Variants in PDE4D observed in about 807,000 individuals in gnomAD.
PDE4D encodes 3',5'-cyclic-AMP phosphodiesterase 4D.
A neutral mutation model predicts 87.4 loss-of-function variants in PDE4D; 24 were observed. The observed-to-expected ratio is 0.27, with a 90% confidence interval of 0.20 to 0.39. The LOEUF (loss-of-function observed/expected upper bound fraction) is 0.39, where lower values mean the gene tolerates loss of function less well. PDE4D is among the 10% of genes least tolerant of loss of function. The pLI, the probability that PDE4D is intolerant of heterozygous loss-of-function variation, is 1.00. For missense variants in PDE4D, 714 were observed against 1,041.0 expected, an observed-to-expected ratio of 0.69 and a Z score of 4.32; for synonymous variants, 384 against 383.2, an observed-to-expected ratio of 1.00 and a Z score of -0.02.
chr5:60,413,715 A>ATT lies in PDE4D; in HGVS notation c.-90+74225_-90+74226dup, dbSNP rs5868241. Among the ~76,000 whole-genome samples, 241 of 144,204 alleles carry ATT rather than the reference A, an allele frequency of 1.7e-3. 3 individuals are homozygous for ATT. The highest frequency in any genetic ancestry group is 7.1e-3 in the South Asian group (33 of 4,638). The allele number at this position is 144,204 out of a possible 152,430, so 94.6% of individuals were successfully genotyped here. Reference sequence around the variant, plus strand: ...TAATTTTGAATTTCTTTTTTCGTTTATTTTTTTTTTTTTTGGAAAAACAGC... The same window carrying ATT: ...TAATTTTGAATTTCTTTTTTCGTTTATTTTTTTTTTTTTTTTGGAAAAACAGC... On this transcript the variant is annotated intron_variant, in intron 1 of 16. Coordinates refer to the PDE4D transcript ENST00000502484.
chr5:59,405,539 T>C (rs1423357764), intron 1 of PDE4D, among the ~76,000 whole-genome samples: 1 of 152,218 alleles, frequency 6.6e-6, no homozygotes, highest in Admixed American at 6.5e-5. Context: ...ACTTGACTTC[T>C]TCCTTTCCAA....
At chr5:59,885,937 G>A (rs1750085358) in intron 1 of PDE4D, among the ~76,000 whole-genome samples, 1 of 152,072 alleles carries the variant, frequency 6.6e-6, no homozygotes, top group African/African-American at 2.4e-5. Flanking sequence ...ACATGAATAT[G>A]TGTCTATTTT....
chr5:59,707,451 C>A (rs1224068108), intron 1 of PDE4D, among the ~76,000 whole-genome samples: 1 of 152,084 alleles, frequency 6.6e-6, no homozygotes, highest in Non-Finnish European at 1.5e-5. Context: ...CAAACTATGG[C>A]CCTCAGGCCA....
chr5:59,092,513 ATAGAG>A (rs1157083289), intron 5 of PDE4D, among the ~76,000 whole-genome samples: 1 of 152,086 alleles, frequency 6.6e-6, no homozygotes, highest in African/African-American at 2.4e-5. Context: ...AATACTTTTG[ATAGAG>A]TAGAGAGACT....
chr5:59,730,435 CT>C (rs1757216101), intron 1 of PDE4D, among the ~76,000 whole-genome samples: 1 of 152,064 alleles, frequency 6.6e-6, no homozygotes, highest in African/African-American at 2.4e-5. Flanking sequence ...AATTTTTAAA[CT>C]TTAAAATGCA....
intron 1 of PDE4D, among the ~76,000 whole-genome samples, chr5:59,732,993 A>G (rs151273083): frequency 1.3e-5 from 2 of 152,252 alleles, no homozygotes; most frequent in East Asian, 3.9e-4. Context: ...TCTAAATATG[A>G]TAGTAATGTT....
intron 3 of PDE4D, among the ~76,000 whole-genome samples, chr5:59,924,373 A>G (rs985734001): frequency 6.6e-6 from 1 of 152,282 alleles, no homozygotes; most frequent in Non-Finnish European, 1.5e-5. Flanking sequence ...ATATTCAAGT[A>G]CAAGAAGGTT....
chr5:60,261,493 T>A (rs1749642590), intron 1 of PDE4D, among the ~76,000 whole-genome samples: 1 of 152,176 alleles, frequency 6.6e-6, no homozygotes, highest in Non-Finnish European at 1.5e-5. Flanking sequence ...TCCATTTAAC[T>A]TTTAATTAAA....
chr5:59,679,773 G>A (rs1373851569), intron 1 of PDE4D, among the ~76,000 whole-genome samples: 1 of 152,030 alleles, frequency 6.6e-6, no homozygotes, highest in Non-Finnish European at 1.5e-5. Context: ...ACAAGACTAA[G>A]TATAAGAACA....
intron 2 of PDE4D, among the ~76,000 whole-genome samples, chr5:60,078,858 T>C (rs1773613601): frequency 6.6e-6 from 1 of 152,242 alleles, no homozygotes; most frequent in Non-Finnish European, 1.5e-5. Flanking sequence ...CAAGTGCATG[T>C]ATCTTTGTAG....
intron 1 of PDE4D, among the ~76,000 whole-genome samples, chr5:59,315,641 T>C (rs944938568): frequency 2.0e-5 from 3 of 152,044 alleles, no homozygotes; most frequent in Non-Finnish European, 4.4e-5. Context: ...ACAGGAAACA[T>C]CTTAAGCTTG....
chr5:59,893,686 C>T lies in PDE4D; in HGVS notation c.-64G>A, dbSNP rs1007393919. The T allele has an allele frequency of 4.7e-5, 66 of 1,395,986 alleles. No individual in the cohort carries two copies. In the African/African-American group the frequency reaches 7.6e-4, roughly 16 times the overall value. The allele number at this position is 1,395,986 out of a possible 1,614,324, so 86.5% of individuals were successfully genotyped here. A position where few individuals can be genotyped will look rare whatever the true frequency, so the allele number is the denominator to read the frequency against. Reference sequence around the variant, plus strand: ...TTCACCGCGCTGGCCCGAGCGCCTTCCTGATGCTGCTGCTGCTGCTGCCGC... The same window carrying T: ...TTCACCGCGCTGGCCCGAGCGCCTTTCTGATGCTGCTGCTGCTGCTGCCGC... On this transcript the variant is annotated 5_prime_UTR_variant, in exon 1 of 15. Coordinates refer to ENST00000340635, the MANE Select transcript of PDE4D (RefSeq NM_001104631.2).
At chr5:60,472,503 C>A (rs1481475384) in intron 1 of PDE4D, among the ~76,000 whole-genome samples, 2 of 152,132 alleles carry the variant, frequency 1.3e-5, no homozygotes, top group African/African-American at 4.8e-5. Flanking sequence ...CACTTCGATT[C>A]TCTTTCCTGA....
At chr5:60,035,527 C>T (rs1266736248) in intron 2 of PDE4D, among the ~76,000 whole-genome samples, 7 of 152,120 alleles carry the variant, frequency 4.6e-5, no homozygotes, top group Admixed American at 4.6e-4. Context: ...CTTTTCCTTC[C>T]ATCAAGTTAG....
chr5:60,318,663 C>T (rs1273943057), intron 1 of PDE4D, among the ~76,000 whole-genome samples: 1 of 152,020 alleles, frequency 6.6e-6, no homozygotes. Flanking sequence ...TTCAGGAGCT[C>T]TTTTAGGGCA....
intron 1 of PDE4D, among the ~76,000 whole-genome samples, chr5:60,281,189 G>C (rs1751865029): frequency 6.6e-6 from 1 of 152,022 alleles, no homozygotes; most frequent in African/African-American, 2.4e-5. Context: ...GGTCAGGGGA[G>C]CTAAGTCTAC....
rs1487255055 is a variant in PDE4D, at chr5:59,054,447, TTATACC to T, written c.809-15482_809-15477del. Among the ~76,000 whole-genome samples, 6 of 152,292 alleles carry T rather than the reference TTATACC, an allele frequency of 3.9e-5. No homozygotes were observed. In the South Asian group the frequency reaches 1.2e-3, roughly 32 times the overall value. Reference sequence around the variant, plus strand: ...TATAAAAAAAATGTACAAAAAGGTTTTATACCTATATTTATTTTTAAAAGGTAGAGG... The same window carrying T: ...TATAAAAAAAATGTACAAAAAGGTTTTATATTTATTTTTAAAAGGTAGAGG... On this transcript the variant is annotated intron_variant, in intron 5 of 14. Transcript: ENST00000340635.
At chr5:59,367,615 T>C (rs1255814884) in intron 1 of PDE4D, among the ~76,000 whole-genome samples, 1 of 152,190 alleles carries the variant, frequency 6.6e-6, no homozygotes, top group South Asian at 2.1e-4. Flanking sequence ...ATTGGTGAGA[T>C]GTAAAGTAGT....
intron 1 of PDE4D, among the ~76,000 whole-genome samples, chr5:59,272,807 G>A (rs1358897264): frequency 2.0e-5 from 3 of 152,102 alleles, no homozygotes; most frequent in African/African-American, 7.2e-5. Context: ...CATTTAAAAT[G>A]TGAATATCTC....
Sources: allele counts gnomAD v4.1 joint callset (sites outside exome capture counted in the v4.1 genomes callset), GRCh38; gene constraint gnomAD v4.1.1; transcripts MANE v1.5; gene names NCBI Gene and HGNC (gene_info 2026-07-23, HGNC 2026-07-21).